Variants in CSPG5 observed in about 807,000 individuals in gnomAD.
CSPG5 encodes the protein acidic leucine-rich EGF-like domain-containing brain protein.
A neutral mutation model predicts 39.8 loss-of-function variants in CSPG5; 25 were observed. That is an observed-to-expected ratio of 0.63 (90% CI 0.46 to 0.88). CSPG5 has a LOEUF of 0.88. Among genes scored for constraint, CSPG5 ranks in the 40% least tolerant of loss-of-function variants. CSPG5 has a pLI of 0.00. For missense variants in CSPG5, 627 were observed against 702.2 expected, an observed-to-expected ratio of 0.89 and a Z score of 1.21; for synonymous variants, 295 against 303.9, an observed-to-expected ratio of 0.97 and a Z score of 0.31.
chr3:47,564,597 C>T (rs533957500), intron 4 of CSPG5, among the ~76,000 whole-genome samples: 3 of 152,242 alleles, frequency 2.0e-5, no homozygotes, highest in South Asian at 2.1e-4. Context: ...GCACACAGCA[C>T]GCGCGGCCAG....
At chr3:47,576,319 C>A (rs2031729049) in intron 2 of CSPG5, among the ~76,000 whole-genome samples, 1 of 152,152 alleles carries the variant, frequency 6.6e-6, no homozygotes, top group African/African-American at 2.4e-5. Context: ...AGGAACCTCT[C>A]CTAGTGATAA....
rs144144110 is a variant in CSPG5 at position 47,568,733 on chromosome 3, T to G, written c.1458+419A>C. 1.3e-4 allele frequency among the ~76,000 whole-genome samples: 20 copies of G among 152,262 alleles called. No homozygotes were observed. The East Asian group carries it at 1.7e-3, about 13-fold the overall frequency. ...TGAGTAACCCTAGAAAAAGATCTTCTCAGCCAGGCAGGTGGCTCACACCTA... is the reference window on the plus strand; with the variant it reads ...TGAGTAACCCTAGAAAAAGATCTTCGCAGCCAGGCAGGTGGCTCACACCTA... On this transcript the variant is annotated intron_variant, in intron 4 of 4. Transcript: ENST00000264723.
intron 2 of CSPG5, among the ~76,000 whole-genome samples, chr3:47,576,017 A>G (rs1467219368): frequency 7.1e-6 from 1 of 140,366 alleles, no homozygotes; most frequent in East Asian, 2.1e-4. Flanking sequence ...GGCTCACTGC[A>G]ACGTCCACCT....
At chr3:47,567,557 A>G (rs1285524696) in intron 4 of CSPG5, among the ~76,000 whole-genome samples, 1 of 152,242 alleles carries the variant, frequency 6.6e-6, no homozygotes, top group Non-Finnish European at 1.5e-5. Context: ...AAAGACTTTA[A>G]AAAATTATCC....
intron 4 of CSPG5, among the ~76,000 whole-genome samples, chr3:47,568,713 A>T (rs1208045073): frequency 6.6e-6 from 1 of 152,152 alleles, no homozygotes; most frequent in Non-Finnish European, 1.5e-5. Context: ...AATCATGAGT[A>T]ACCCTAGAAA....
chr3:47,566,120 CAG>C (rs1156692171), intron 4 of CSPG5, among the ~76,000 whole-genome samples: 1 of 152,252 alleles, frequency 6.6e-6, no homozygotes, highest in Admixed American at 6.5e-5. Context: ...GCAATCTTTT[CAG>C]AGTGTGGCTG....
intron 4 of CSPG5, among the ~76,000 whole-genome samples, chr3:47,568,813 C>T (rs185214970): frequency 1.1e-4 from 16 of 152,220 alleles, no homozygotes; most frequent in Admixed American, 6.5e-4. Flanking sequence ...GCCAGGAGTT[C>T]GAGACCAGCC....
chr3:47,577,275 G>A lies in CSPG5; in HGVS notation c.751C>T (p.Leu251Phe), dbSNP rs2108209680. Residue 251 changes from leucine (L) to phenylalanine (F), a missense_variant, in exon 2 of 5, where the codon CTT becomes TTT. Transcript: ENST00000264723. This position sits in a 1 kb window ranked among gnomAD's most constrained non-coding sequence, Gnocchi z 4.7. ...TEGETPSWSL[L>F]DLYDDFTPFD... is the part of the protein sequence containing the mutation. ...GGGGTGAAATCATCGTATAAGTCAA[G>A]CAGGCTCCAGGAAGGGGTCTCTCCC... The A allele has an allele frequency of 6.2e-6, 10 of 1,613,218 alleles. No homozygotes were observed. In the South Asian group the frequency reaches 9.9e-5, roughly 16 times the overall value.
intron 2 of CSPG5, 34 bp downstream of exon 2, chr3:47,576,799 A>T: frequency 6.6e-7 from 1 of 1,524,926 alleles, no homozygotes; most frequent in Non-Finnish European, 8.8e-7. Flanking sequence ...TACACTCTTC[A>T]GTGTCCCTAT....
chr3:47,576,703 G>A (rs1387083302), intron 2 of CSPG5, 130 bp downstream of exon 2: 16 of 1,042,258 alleles, frequency 1.5e-5, no homozygotes, highest in East Asian at 1.3e-4. Context: ...TAGGAGATCC[G>A]CCTGCCTCAG....
chr3:47,565,069 C>T (rs982890671), intron 4 of CSPG5, among the ~76,000 whole-genome samples: 5 of 152,122 alleles, frequency 3.3e-5, no homozygotes, highest in African/African-American at 4.8e-5. Flanking sequence ...CACATATTCT[C>T]TGGGGGCATA....
chr3:47,567,101 G>T (rs2031339668), intron 4 of CSPG5, among the ~76,000 whole-genome samples: 1 of 152,220 alleles, frequency 6.6e-6, no homozygotes, highest in Non-Finnish European at 1.5e-5. Context: ...TTCCCCCTCT[G>T]AGAAGAAGAA....
chr3:47,562,554 C>A lies in CSPG5; in HGVS notation c.*46G>T. 6.5e-7 allele frequency: 1 copy of A among 1,537,724 alleles called. No individual in the cohort carries two copies. The highest frequency in any genetic ancestry group is 1.4e-5 in the African/African-American group (1 of 73,240). The stretch of plus-strand genomic sequence containing the variant: ...TACAAGAGGAGATAATGTTTCTTCC[C>A]CTACCCCCCACCCACTACCCCCGCT... On this transcript the variant is annotated 3_prime_UTR_variant, in exon 5 of 5. Transcript: ENST00000264723.
chr3:47,576,456 G>GT (rs1319610215), intron 2 of CSPG5, among the ~76,000 whole-genome samples: 91 of 135,444 alleles, frequency 6.7e-4, no homozygotes, highest in African/African-American at 1.6e-3. Flanking sequence ...CCTCTGTTTT[G>GT]TTTTGTTTTT....
In CSPG5 at chr3:47,562,908, A is replaced by T. The variant is rs1576366686; in HGVS notation, c.1459-147T>A. 4 of 823,084 alleles carry T rather than the reference A, an allele frequency of 4.9e-6. No individual in the cohort carries two copies. The East Asian group carries it at 1.2e-4, about 24-fold the overall frequency. 51.0% of individuals were successfully genotyped at this position (823,084 alleles called of 1,614,324 possible). A position where few individuals can be genotyped will look rare whatever the true frequency, so the allele number is the denominator to read the frequency against. ...GAATGAACTAAAAGGAACCAAAGTA[A>T]CTCATTAGCAGCAACTTTTTAGGAA... is the stretch of plus-strand genomic sequence containing the variant. On this transcript the variant is annotated intron_variant, in intron 4 of 4. Transcript: ENST00000264723.
chr3:47,577,900 G>T lies in CSPG5; in HGVS notation c.126C>A (p.Ala42=). 1 of 1,477,238 alleles carries T rather than the reference G, an allele frequency of 6.8e-7. No homozygotes were observed. The highest frequency in any genetic ancestry group is 8.9e-7 in the Non-Finnish European group (1 of 1,127,570). The allele number at this position is 1,477,238 out of a possible 1,614,324, so 91.5% of individuals were successfully genotyped here. A position where few individuals can be genotyped will look rare whatever the true frequency, so the allele number is the denominator to read the frequency against. The change falls in exon 2 of 5, where the codon GCC becomes GCA. Residue 42 remains alanine (A), a synonymous_variant. Coordinates refer to ENST00000264723, the MANE Select transcript of CSPG5 (RefSeq NM_006574.4). This position sits in a 1 kb window ranked among gnomAD's most constrained non-coding sequence, Gnocchi z 4.7. ...CCGGGCTGCCCTTCACCAGCTCTTC[G>T]GCCTCAACCGCGCTGCCCGCCTCAC... ...PAREAGSAVE[A]EELVKGSPAW...
In CSPG5 at chr3:47,577,699, T is replaced by C; in HGVS notation, c.327A>G (p.Gly109=). ...CGCTGCCCGCCTCTGCGGTCACTCCTCCCAGGCCTGGGCTGTCAGCTTCCA... is the reference window on the plus strand; with the variant it reads ...CGCTGCCCGCCTCTGCGGTCACTCCCCCCAGGCCTGGGCTGTCAGCTTCCA... ...AWLEADSPGL[G]GVTAEAGSGD... is the part of the protein sequence containing the mutation. Residue 109 remains glycine (G), a synonymous_variant, in exon 2 of 5, where the codon GGA becomes GGG. Transcript: ENST00000264723. The surrounding 1 kb of genome is among the most constrained non-coding windows in gnomAD (Gnocchi z 4.7). 1 of 1,587,722 alleles carries C rather than the reference T, an allele frequency of 6.3e-7. No homozygotes were observed.
chr3:47,577,635 G>A lies in CSPG5; in HGVS notation c.391C>T (p.His131Tyr), dbSNP rs1406075105. The change falls in exon 2 of 5, where the codon CAC becomes TAC. Residue 131 changes from histidine to tyrosine, a missense_variant. Transcript: ENST00000264723. The surrounding 1 kb of genome is among the most constrained non-coding windows in gnomAD (Gnocchi z 4.7). ...QALPATLQAP[H>Y]EVLGQSIMPP... ...ATGATTGACTGCCCGAGGACCTCGT[G>A]GGGAGCCTGGAGCGTAGCTGGAAGG... 6.2e-7 allele frequency: 1 copy of A among 1,610,090 alleles called. No individual in the cohort carries two copies. Among genetic ancestry groups the A allele is most frequent in the African/African-American group, 1.3e-5 (1 of 74,932 alleles).
chr3:47,578,053 C>G lies in CSPG5; in HGVS notation c.98-125G>C. 1.5e-6 allele frequency: 2 copies of G among 1,292,782 alleles called. No homozygotes were observed. The highest frequency in any genetic ancestry group is 2.0e-6 in the Non-Finnish European group (2 of 1,019,440). The allele number at this position is 1,292,782 out of a possible 1,614,324, so 80.1% of individuals were successfully genotyped here. A position where few individuals can be genotyped will look rare whatever the true frequency, so the allele number is the denominator to read the frequency against. On this transcript the variant is annotated intron_variant, in intron 1 of 4. Coordinates refer to ENST00000264723, the MANE Select transcript of CSPG5 (RefSeq NM_006574.4). This position sits in a 1 kb window ranked among gnomAD's most constrained non-coding sequence, Gnocchi z 6.0. Reference sequence around the variant, plus strand: ...CAACCCAGACCTCGCCACCCTCAGACCCCACCGCCCCAGTGTGACCCCAGC... The same window carrying G: ...CAACCCAGACCTCGCCACCCTCAGAGCCCACCGCCCCAGTGTGACCCCAGC...
Sources: gnomAD v4.1 joint callset for allele counts (sites outside exome capture counted in the v4.1 genomes callset) on GRCh38, gnomAD v4.1.1 for gene constraint, Gnocchi (gnomAD v3.1) non-coding constraint, MANE v1.5 for transcripts, NCBI Gene and HGNC (gene_info 2026-07-23, HGNC 2026-07-21) for gene names.